Variants in AKAP6 observed in about 807,000 individuals in gnomAD.
The protein encoded by AKAP6 is A-kinase anchor protein 6.
A neutral mutation model predicts 188.5 loss-of-function variants in AKAP6; 58 were observed. That is an observed-to-expected ratio of 0.31 (90% CI 0.25 to 0.38). AKAP6 has a LOEUF of 0.38. Among genes scored for constraint, AKAP6 ranks in the 10% least tolerant of loss-of-function variants. The probability of loss-of-function intolerance (pLI) is 1.00; values close to 1 mark genes in which losing one functional copy is unlikely to be tolerated. For missense variants in AKAP6, 2,710 were observed against 2,740.0 expected, an observed-to-expected ratio of 0.99 and a Z score of 0.24; for synonymous variants, 989 against 998.6, an observed-to-expected ratio of 0.99 and a Z score of 0.18.
intron 5 of AKAP6, among the ~76,000 whole-genome samples, chr14:32,581,244 G>A (rs528618180): frequency 2.0e-5 from 3 of 152,158 alleles, no homozygotes; most frequent in East Asian, 1.9e-4. Context: ...TCTTCATTTC[G>A]TTATGTACCC....
intron 7 of AKAP6, among the ~76,000 whole-genome samples, chr14:32,607,881 G>T (rs7141374): frequency 0.27 from 40,837 of 152,022 alleles, 6,405 homozygotes; most frequent in African/African-American, 0.42. Context: ...AACTCTTTCT[G>T]CTACTGTGGA....
At chr14:32,331,606 G>A (rs960182660) in intron 1 of AKAP6, among the ~76,000 whole-genome samples, 2 of 152,052 alleles carry the variant, frequency 1.3e-5, no homozygotes, top group African/African-American at 2.4e-5. Context: ...CACAGCCTGC[G>A]CTGCTCTCTG....
intron 10 of AKAP6, chr14:32,732,894 A>G (rs2031249304): frequency 1.7e-6 from 1 of 582,856 alleles, no homozygotes; most frequent in African/African-American, 1.9e-5. Flanking sequence ...CAACTATAAT[A>G]CAGTATATCT....
rs531720792 is a variant in AKAP6 at position 32,608,173 on chromosome 14, G to A, written c.2730+7381G>A. 5.3e-5 allele frequency among the ~76,000 whole-genome samples: 8 copies of A among 152,166 alleles called. No homozygotes were observed. The East Asian group carries it at 1.5e-3, about 29-fold the overall frequency. On this transcript the variant is annotated intron_variant, in intron 7 of 13. Coordinates refer to ENST00000280979, the MANE Select transcript of AKAP6 (RefSeq NM_004274.5). ...GTTGGGAAAATAAAAATATACACTA[G>A]GTCAAAGGACAGCTAATGTTCTTGG... is the stretch of plus-strand genomic sequence containing the variant.
chr14:32,701,331 A>G (rs1224607915), intron 9 of AKAP6, among the ~76,000 whole-genome samples: 3 of 152,180 alleles, frequency 2.0e-5, no homozygotes, highest in African/African-American at 4.8e-5. Context: ...ACATGATCCC[A>G]ATGTTATATT....
intron 1 of AKAP6, among the ~76,000 whole-genome samples, chr14:32,393,046 C>T (rs1888763008): frequency 6.6e-6 from 1 of 151,954 alleles, no homozygotes; most frequent in African/African-American, 2.4e-5. Flanking sequence ...CAAGAATCAT[C>T]ACTGGTTGCT....
chr14:32,486,478 G>A (rs1038659335), intron 2 of AKAP6, among the ~76,000 whole-genome samples: 97 of 152,020 alleles, frequency 6.4e-4, no homozygotes, highest in African/African-American at 2.2e-3. Flanking sequence ...TGTTTGTGTT[G>A]TATCTTATTT....
At chr14:32,735,217 C>T (rs2031358836) in intron 10 of AKAP6, among the ~76,000 whole-genome samples, 1 of 152,090 alleles carries the variant, frequency 6.6e-6, no homozygotes, top group Non-Finnish European at 1.5e-5. Flanking sequence ...CTCTTGGCCT[C>T]TTTAGTATAT....
At chr14:32,355,775 T>A (rs1384870023) in intron 1 of AKAP6, among the ~76,000 whole-genome samples, 1 of 149,530 alleles carries the variant, frequency 6.7e-6, no homozygotes, top group Non-Finnish European at 1.5e-5. Flanking sequence ...TCTTTTCTTT[T>A]CTTTTCTTTT....
At chr14:32,507,009 G>A (rs944307101) in intron 2 of AKAP6, among the ~76,000 whole-genome samples, 1 of 152,260 alleles carries the variant, frequency 6.6e-6, no homozygotes, top group Admixed American at 6.5e-5. Flanking sequence ...ACAAAGGAAG[G>A]AGACACTGGT....
chr14:32,804,386 C>T (rs1384426142), intron 12 of AKAP6, among the ~76,000 whole-genome samples: 2 of 152,184 alleles, frequency 1.3e-5, no homozygotes, highest in Admixed American at 6.5e-5. Flanking sequence ...GGGGTGACAT[C>T]ACATATTGGT....
intron 9 of AKAP6, among the ~76,000 whole-genome samples, chr14:32,721,781 C>A (rs1014334466): frequency 6.6e-6 from 1 of 152,150 alleles, no homozygotes; most frequent in Non-Finnish European, 1.5e-5. Flanking sequence ...CTTGGCATTT[C>A]TTTTACCTGG....
At chr14:32,681,111 G>A (rs759190366) in intron 8 of AKAP6, among the ~76,000 whole-genome samples, 4 of 152,182 alleles carry the variant, frequency 2.6e-5, no homozygotes, top group Non-Finnish European at 5.9e-5. Flanking sequence ...AATATTCATT[G>A]AGGGCCTACT....
intron 2 of AKAP6, among the ~76,000 whole-genome samples, chr14:32,458,267 T>G (rs1192277707): frequency 6.6e-6 from 1 of 152,150 alleles, no homozygotes; most frequent in African/African-American, 2.4e-5. Context: ...CTCCAATAAC[T>G]ATGAGCTGAG....
chr14:32,451,402 A>C lies in AKAP6; in HGVS notation c.324+17585A>C, dbSNP rs183037019. On this transcript the variant is annotated intron_variant, in intron 2 of 13. Coordinates refer to ENST00000280979, the MANE Select transcript of AKAP6 (RefSeq NM_004274.5). ...TTCTGGCCTGTTCTGCAGAGTTTGC[A>C]CAAAAGATATAGCTTTATTTGTATA... Among the ~76,000 whole-genome samples the C allele has an allele frequency of 1.1e-3, 161 of 152,302 alleles. 1 individual carries two copies. The highest frequency in any genetic ancestry group is 2.9e-3 in the Admixed American group (45 of 15,302).
At chr14:32,368,666 G>T (rs1887911762) in intron 1 of AKAP6, among the ~76,000 whole-genome samples, 2 of 152,136 alleles carry the variant, frequency 1.3e-5, no homozygotes, top group Admixed American at 1.3e-4. Context: ...AGATTAGACT[G>T]TGAATAGAGG....
At chr14:32,519,076 T>C (rs1358171507) in intron 2 of AKAP6, among the ~76,000 whole-genome samples, 1 of 152,180 alleles carries the variant, frequency 6.6e-6, no homozygotes, top group African/African-American at 2.4e-5. Flanking sequence ...AACCCAGAAT[T>C]TCTTATCCAG....
intron 2 of AKAP6, among the ~76,000 whole-genome samples, chr14:32,475,678 CTTT>C (rs11156748): frequency 8.1e-5 from 10 of 123,610 alleles, no homozygotes; most frequent in African/African-American, 9.7e-5. Flanking sequence ...ATTTTCAGCT[CTTT>C]TTTTTTTTTT....
At chr14:32,376,766 G>A (rs973065075) in intron 1 of AKAP6, among the ~76,000 whole-genome samples, 2 of 152,034 alleles carry the variant, frequency 1.3e-5, no homozygotes, top group African/African-American at 4.8e-5. Context: ...GCGCCATCTC[G>A]GCTCACTACA....
Sources: allele counts gnomAD v4.1 joint callset (sites outside exome capture counted in the v4.1 genomes callset), GRCh38; gene constraint gnomAD v4.1.1; transcripts MANE v1.5; gene names NCBI Gene and HGNC (gene_info 2026-07-23, HGNC 2026-07-21).